The following VSTM4 variants were observed in gnomAD, a reference collection of about 807,000 sequenced individuals.
The protein encoded by VSTM4 is V-set and transmembrane domain containing 4, also known as V-set and transmembrane domain-containing protein 4.
In VSTM4, 20 loss-of-function variants were observed where a neutral mutation model predicts 36.4. The ratio of observed to expected loss-of-function variants is 0.55; its 90% CI spans 0.39 to 0.80. VSTM4 has a LOEUF of 0.80. Ranked by LOEUF, VSTM4 falls within the 30% of genes least tolerant of loss-of-function variation. The pLI is 0.00. For synonymous variants in VSTM4, 182 were observed against 173.9 expected (o/e 1.05, Z -0.37); for missense variants, 392 against 404.5 (o/e 0.97, Z 0.26).
intron 4 of VSTM4, among the ~76,000 whole-genome samples, chr10:49,066,734 AT>A (rs1448115713): frequency 6.6e-6 from 1 of 152,142 alleles, no homozygotes; most frequent in Non-Finnish European, 1.5e-5. Context: ...TGTCATCTTG[AT>A]TAATCTTATG....
At chr10:49,047,127 T>C in intron 6 of VSTM4, 83 bp from the exon 7 acceptor site, 1 of 1,368,514 alleles carries the variant, frequency 7.3e-7, no homozygotes, top group South Asian at 1.2e-5. Context: ...AGGGACATAT[T>C]CTGAGAGGTC....
At chr10:49,086,479 G>A (rs1333397508) in intron 2 of VSTM4, among the ~76,000 whole-genome samples, 1 of 152,226 alleles carries the variant, frequency 6.6e-6, no homozygotes, top group Non-Finnish European at 1.5e-5. Flanking sequence ...GACCCACAGA[G>A]CCACAGGCAT....
In VSTM4 at chr10:49,018,392, G is replaced by C. The variant is rs1002741638; in HGVS notation, c.*1258C>G. ...GGAGTCTGAGGTCATTAGGGGATAA[G>C]AAATTTAGCCAAGTTCACACAGCTA... On this transcript the variant is annotated 3_prime_UTR_variant, in exon 8 of 8. Coordinates refer to ENST00000332853, the MANE Select transcript of VSTM4 (RefSeq NM_001031746.5). 1 of 152,172 alleles carries C rather than the reference G, an allele frequency of 6.6e-6. No homozygotes were observed. Among genetic ancestry groups the C allele is most frequent in the South Asian group, 2.1e-4 (1 of 4,828 alleles). 9.4% of individuals were successfully genotyped at this position (152,172 alleles called of 1,614,324 possible). A position where few individuals can be genotyped will look rare whatever the true frequency, so the allele number is the denominator to read the frequency against.
chr10:49,043,661 G>GTT (rs1182252162), intron 7 of VSTM4, among the ~76,000 whole-genome samples: 1 of 152,226 alleles, frequency 6.6e-6, no homozygotes, highest in Non-Finnish European at 1.5e-5. Flanking sequence ...TCAAATAATT[G>GTT]TTTAGAATAT....
At chr10:49,023,712 A>C (rs544409304) in intron 7 of VSTM4, among the ~76,000 whole-genome samples, 1 of 152,190 alleles carries the variant, frequency 6.6e-6, no homozygotes, top group Non-Finnish European at 1.5e-5. Context: ...ATGAGGAAGC[A>C]CTTCTGTTAA....
At chr10:49,110,859 A>G (rs1196840366) in intron 1 of VSTM4, among the ~76,000 whole-genome samples, 2 of 152,174 alleles carry the variant, frequency 1.3e-5, no homozygotes, top group Non-Finnish European at 2.9e-5. Flanking sequence ...ACCCCAGCCT[A>G]TGGTACTCTG....
In VSTM4 at chr10:49,019,751, T is replaced by C. The variant is rs375569682; in HGVS notation, c.862A>G (p.Thr288Ala). 1.2e-6 allele frequency: 2 copies of C among 1,612,818 alleles called. No homozygotes were observed. Among genetic ancestry groups the C allele is most frequent in the Non-Finnish European group, 1.7e-6 (2 of 1,179,646 alleles). The part of the protein sequence containing the change: ...TLPKIAEENL[T>A]YAELELIKPH... ...TTGATCAGCTCCAGTTCGGCATAGG[T>C]TAAGTTTTCCTCAGCAATCTTTGGC... Residue 288 changes from threonine (T) to alanine (A), a missense_variant, in exon 8 of 8, where the codon ACC (threonine) becomes GCC (alanine). By Grantham distance (58) the Thr-to-Ala change is moderately conservative. Coordinates refer to ENST00000332853, the MANE Select transcript of VSTM4 (RefSeq NM_001031746.5).
intron 1 of VSTM4, among the ~76,000 whole-genome samples, chr10:49,111,824 A>C (rs1564601024): frequency 6.6e-6 from 1 of 152,214 alleles, no homozygotes; most frequent in African/African-American, 2.4e-5. Context: ...ATATAACTAC[A>C]GTGTCACATG....
At chr10:49,031,467 A>G (rs1226510294) in intron 7 of VSTM4, among the ~76,000 whole-genome samples, 1 of 152,250 alleles carries the variant, frequency 6.6e-6, no homozygotes. Flanking sequence ...TACTATTTAC[A>G]TTATAGATGA....
At chr10:49,048,173 A>G (rs1295264415) in intron 6 of VSTM4, among the ~76,000 whole-genome samples, 1 of 152,202 alleles carries the variant, frequency 6.6e-6, no homozygotes, top group East Asian at 1.9e-4. Flanking sequence ...ATGTTTTAAT[A>G]GTACAAAGTG....
At chr10:49,064,417 C>A (rs1843935155) in intron 5 of VSTM4, 2 of 426,754 alleles carry the variant, frequency 4.7e-6, no homozygotes, top group Non-Finnish European at 8.5e-6. Context: ...GTGTGAGCCC[C>A]TTCCTAAACT....
intron 1 of VSTM4, among the ~76,000 whole-genome samples, chr10:49,113,295 G>T (rs1844931032): frequency 6.6e-6 from 1 of 152,182 alleles, no homozygotes; most frequent in East Asian, 1.9e-4. Flanking sequence ...TATTTACTGA[G>T]CACTAAGCAG....
chr10:49,040,495 G>A (rs115373403), intron 7 of VSTM4, among the ~76,000 whole-genome samples: 2,803 of 151,930 alleles, frequency 0.018, 84 homozygotes, highest in African/African-American at 0.064. Context: ...GATATTGGCC[G>A]GGCGAGTCTC....
Position 49,016,450 on chromosome 10 carries a change from G to A in VSTM4, c.*3200C>T. ...GCAAAGATGATTTCTTTCTCCCCAG[G>A]ATTTTGATATTCCAGGGGGCCATGT... On this transcript the variant is annotated 3_prime_UTR_variant, in exon 8 of 8. Transcript: ENST00000332853. 6.6e-6 allele frequency: 1 copy of A among 152,170 alleles called. No individual in the cohort carries two copies. The highest frequency in any genetic ancestry group is 1.9e-4 in the East Asian group (1 of 5,188). The allele number at this position is 152,170 out of a possible 1,614,324, so 9.4% of individuals were successfully genotyped here.
At chr10:49,073,627 C>A (rs1844121867) in intron 4 of VSTM4, among the ~76,000 whole-genome samples, 1 of 152,208 alleles carries the variant, frequency 6.6e-6, no homozygotes, top group Non-Finnish European at 1.5e-5. Context: ...CCAGGGGGAA[C>A]AATCCTGCCC....
At chr10:49,057,970 T>C (rs560992303) in intron 5 of VSTM4, among the ~76,000 whole-genome samples, 1 of 152,338 alleles carries the variant, frequency 6.6e-6, no homozygotes, top group African/African-American at 2.4e-5. Context: ...AAGAACTGAT[T>C]AATCTGACCC....
At chr10:49,082,460 T>A (rs35496464) in intron 3 of VSTM4, among the ~76,000 whole-genome samples, 7 of 152,074 alleles carry the variant, frequency 4.6e-5, no homozygotes, top group Non-Finnish European at 8.8e-5. Flanking sequence ...GGTCGGGAGT[T>A]CGAAACCAGC....
rs1051358060 is a variant in VSTM4 at position 49,017,858 on chromosome 10, A to G, written c.*1792T>C. The G allele has an allele frequency of 5.9e-5, 9 of 152,262 alleles. No homozygotes were observed. The highest frequency in any genetic ancestry group is 1.9e-4 in the African/African-American group (8 of 41,472). 9.4% of individuals were successfully genotyped at this position (152,262 alleles called of 1,614,324 possible). A position where few individuals can be genotyped will look rare whatever the true frequency, so the allele number is the denominator to read the frequency against. Reference sequence around the variant, plus strand: ...ATTAAAAATCCCTGTGATAATTATTATATAAATGGTGTGCTAACCATATAT... The same window carrying G: ...ATTAAAAATCCCTGTGATAATTATTGTATAAATGGTGTGCTAACCATATAT... On this transcript the variant is annotated 3_prime_UTR_variant, in exon 8 of 8. Transcript: ENST00000332853.
Position 49,077,316 on chromosome 10 carries a change from C to T in VSTM4, c.537G>A (p.Val179=), listed in dbSNP as rs1844197719. The change falls in exon 4 of 8, where the codon GTG becomes GTA. Residue 179 remains valine (V), a synonymous_variant. Coordinates refer to ENST00000332853, the MANE Select transcript of VSTM4 (RefSeq NM_001031746.5). ...ETWAFFEDLY[V]YAVLVCCVGI... ...CCACGCAGCACACGAGGACAGCATA[C>T]ACATAGAGATCTGAAAGGCAAGGAC... is the stretch of plus-strand genomic sequence containing the variant. 7 of 1,614,066 alleles carry T rather than the reference C, an allele frequency of 4.3e-6. No individual in the cohort carries two copies. The highest frequency in any genetic ancestry group is 5.9e-6 in the Non-Finnish European group (7 of 1,180,034).
Sources: gnomAD v4.1 joint callset for allele counts (sites outside exome capture counted in the v4.1 genomes callset) on GRCh38, gnomAD v4.1.1 for gene constraint, MANE v1.5 for transcripts, NCBI Gene and HGNC (gene_info 2026-07-23, HGNC 2026-07-21) for gene names.